UTRN: variants seen among roughly 807,000 people sequenced by gnomAD.
UTRN encodes utrophin.
Under a neutral mutation model 463.9 loss-of-function variants are expected in UTRN, and 283 were observed. That is an observed-to-expected ratio of 0.61 (90% CI 0.55 to 0.67). UTRN has a LOEUF of 0.67. UTRN is among the 30% of genes least tolerant of loss of function. The pLI is 0.00. For missense variants in UTRN, 3,922 were observed against 4,084.3 expected, an observed-to-expected ratio of 0.96 and a Z score of 1.08; for synonymous variants, 1,442 against 1,431.5, an observed-to-expected ratio of 1.01 and a Z score of -0.17.
At chr6:144,673,970 C>A (rs573363070) in intron 51 of UTRN, among the ~76,000 whole-genome samples, 2 of 152,274 alleles carry the variant, frequency 1.3e-5, no homozygotes, top group African/African-American at 2.4e-5. Context: ...AACAATAAGA[C>A]CCCAATCCCT....
Position 144,828,790 on chromosome 6 carries a change from A to G in UTRN, c.9600A>G (p.Arg3200=). 4 of 1,613,350 alleles carry G rather than the reference A, an allele frequency of 2.5e-6. No individual in the cohort carries two copies. Among genetic ancestry groups the G allele is most frequent in the Non-Finnish European group, 3.4e-6 (4 of 1,179,554 alleles). Residue 3200 remains arginine (R), a splice_region_variant and synonymous_variant, in exon 69 of 75, where the codon CGA becomes CGG. Coordinates refer to ENST00000367545, the MANE Select transcript of UTRN (RefSeq NM_007124.3). The part of the protein sequence containing the change: ...THSRIEQYAT[R]LAQMERTNGS... ...TAACCTCCTTATTTTTATTTTGCAGACTGGCCCAGATGGAAAGGACTAATG... is the reference window on the plus strand; with the variant it reads ...TAACCTCCTTATTTTTATTTTGCAGGCTGGCCCAGATGGAAAGGACTAATG...
At chr6:144,531,027 T>C (rs1339506416) in intron 41 of UTRN, 25 bp from the exon 42 acceptor site, 1 of 1,599,376 alleles carries the variant, frequency 6.3e-7, no homozygotes. Context: ...TGGAAACCTA[T>C]TTTATTTTGT....
chr6:144,824,893 A>C (rs975348169), intron 66 of UTRN, among the ~76,000 whole-genome samples: 6 of 151,586 alleles, frequency 4.0e-5, no homozygotes, highest in Admixed American at 2.0e-4. Flanking sequence ...TTCTGGGTGA[A>C]ATTTTCAGCC....
At chr6:144,382,045 A>G (rs1055689787) in intron 2 of UTRN, among the ~76,000 whole-genome samples, 2 of 152,178 alleles carry the variant, frequency 1.3e-5, no homozygotes, top group African/African-American at 4.8e-5. Flanking sequence ...AATAATAGCC[A>G]TTCTGACTGG....
At chr6:144,631,237 G>T (rs1034592703) in intron 51 of UTRN, among the ~76,000 whole-genome samples, 87 of 147,530 alleles carry the variant, frequency 5.9e-4, no homozygotes, top group Non-Finnish European at 1.2e-3. Flanking sequence ...GAGAGAGAGA[G>T]GTGTGTGTGT....
At chr6:144,557,446 T>A (rs1419291971) in intron 50 of UTRN, 135 bp downstream of exon 50, 3 of 878,910 alleles carry the variant, frequency 3.4e-6, no homozygotes, top group East Asian at 5.7e-5. Context: ...TATACTGTGA[T>A]GTTCTGAGTT....
At chr6:144,368,366 T>C (rs907767856) in intron 2 of UTRN, among the ~76,000 whole-genome samples, 1 of 152,214 alleles carries the variant, frequency 6.6e-6, no homozygotes, top group African/African-American at 2.4e-5. Flanking sequence ...AAATATTTTT[T>C]AAAGCAATGG....
intron 2 of UTRN, among the ~76,000 whole-genome samples, chr6:144,356,861 GTATGTGTGTGTATATATACA>G (rs1238782350): frequency 1.2e-4 from 12 of 99,666 alleles, no homozygotes; most frequent in South Asian, 3.9e-4. Flanking sequence ...GTGTGTGTGT[GTATGTGTGTGTATATATACA>G]TATGTGTGTG....
chr6:144,302,639 C>A (rs1193410553), intron 2 of UTRN, among the ~76,000 whole-genome samples: 1 of 152,146 alleles, frequency 6.6e-6, no homozygotes, highest in South Asian at 2.1e-4. Flanking sequence ...TAAGCAAGAC[C>A]CACCTCTGTT....
At chr6:144,518,488 T>C (rs1024967455) in intron 39 of UTRN, among the ~76,000 whole-genome samples, 12 of 152,244 alleles carry the variant, frequency 7.9e-5, no homozygotes, top group African/African-American at 2.4e-5. Flanking sequence ...TGGGAACTTA[T>C]TAATTTTATT....
intron 23 of UTRN, among the ~76,000 whole-genome samples, chr6:144,467,408 T>A (rs1194611561): frequency 1.3e-5 from 2 of 152,230 alleles, no homozygotes; most frequent in African/African-American, 2.4e-5. Context: ...GCATGAGCTC[T>A]TTGAGGGTTG....
At chr6:144,672,550 C>T (rs1370392368) in intron 51 of UTRN, among the ~76,000 whole-genome samples, 1 of 152,014 alleles carries the variant, frequency 6.6e-6, no homozygotes, top group African/African-American at 2.4e-5. Flanking sequence ...TTTATATCCT[C>T]TCTCTTCTTT....
At chr6:144,787,924 CT>C (rs1371363822) in intron 61 of UTRN, among the ~76,000 whole-genome samples, 1 of 151,818 alleles carries the variant, frequency 6.6e-6, no homozygotes, top group African/African-American at 2.4e-5. Flanking sequence ...GCAATAAAGG[CT>C]TTTTTTCTGG....
chr6:144,532,632 C>T (rs1281687542), intron 42 of UTRN, among the ~76,000 whole-genome samples: 2 of 152,174 alleles, frequency 1.3e-5, no homozygotes, highest in Admixed American at 6.5e-5. Context: ...ACCAGTGAAG[C>T]AATATCTTAG....
chr6:144,709,368 A>AT (rs1241829720), intron 53 of UTRN, among the ~76,000 whole-genome samples: 8 of 152,044 alleles, frequency 5.3e-5, no homozygotes, highest in Non-Finnish European at 1.2e-4. Flanking sequence ...TTCTGTTAGT[A>AT]TTTTTTCTGA....
chr6:144,490,774 C>G (rs901568431), intron 31 of UTRN, among the ~76,000 whole-genome samples, 155 bp from the exon 32 acceptor site: 1 of 152,196 alleles, frequency 6.6e-6, no homozygotes, highest in Non-Finnish European at 1.5e-5. Context: ...GGTACCCTCA[C>G]TGAGATTCAT....
At chr6:144,514,157 C>A in intron 36 of UTRN, 120 bp downstream of exon 36, 1 of 1,356,710 alleles carries the variant, frequency 7.4e-7, no homozygotes, top group Non-Finnish European at 1.0e-6. Flanking sequence ...GATTCATTAA[C>A]ATTTATTTTG....
chr6:144,301,543 T>C (rs962647010), intron 2 of UTRN, among the ~76,000 whole-genome samples: 18 of 128,084 alleles, frequency 1.4e-4, no homozygotes, highest in African/African-American at 6.5e-4. Context: ...TTTCTTTTTT[T>C]TTTTTTTTTT....
Position 144,621,029 on chromosome 6 carries a change from T to C in UTRN, c.7479+43741T>C, listed in dbSNP as rs545773191. ...ATTTACAGTATTGGATCTAAGGGTA[T>C]CATGAAGTCAGACTGTAACCTTGGA... On this transcript the variant is annotated intron_variant, in intron 51 of 74. Transcript: ENST00000367545. 3.3e-5 allele frequency among the ~76,000 whole-genome samples: 5 copies of C among 152,282 alleles called. No homozygotes were observed. In the South Asian group the frequency reaches 1.0e-3, roughly 32 times the overall value.
Sources: allele counts gnomAD v4.1 joint callset (sites outside exome capture counted in the v4.1 genomes callset), GRCh38; gene constraint gnomAD v4.1.1; transcripts MANE v1.5; gene names NCBI Gene and HGNC (gene_info 2026-07-23, HGNC 2026-07-21).